SH3RF3: variants seen among roughly 807,000 people sequenced by gnomAD.
SH3RF3 encodes SH3 domain containing ring finger 3, also known as E3 ubiquitin-protein ligase SH3RF3.
In SH3RF3, 29 loss-of-function variants were observed where a neutral mutation model predicts 66.3. The observed-to-expected ratio is 0.44, with a 90% confidence interval of 0.33 to 0.60. The LOEUF is 0.60. SH3RF3 is among the 20% of genes least tolerant of loss of function. The pLI is 0.04. For missense variants in SH3RF3, 1,194 were observed against 1,190.9 expected (o/e 1.00, Z -0.04); for synonymous variants, 583 against 532.0 (o/e 1.10, Z -1.32).
chr2:109,452,788 CCTGGGAGGCTGGTGCTGGGAGGCTGGTT>C (rs1479494503), intron 8 of SH3RF3, among the ~76,000 whole-genome samples: 3 of 151,190 alleles, frequency 2.0e-5, no homozygotes, highest in Non-Finnish European at 3.0e-5. Context: ...GAGGCTGGTC[CCTGGGAGGCTGGTGCTGGGAGGCTGGTT>C]CTGGGAGGCT....
chr2:109,466,124 G>A lies in SH3RF3; in HGVS notation c.2148+16635G>A, dbSNP rs1459115178. 5.6e-5 allele frequency among the ~76,000 whole-genome samples: 7 copies of A among 125,118 alleles called. 1 individual carries two copies. Among genetic ancestry groups the A allele is most frequent in the Non-Finnish European group, 9.4e-5 (6 of 63,822 alleles). 82.1% of individuals were successfully genotyped at this position (125,118 alleles called of 152,430 possible). On this transcript the variant is annotated intron_variant, in intron 8 of 9. Coordinates refer to ENST00000309415, the MANE Select transcript of SH3RF3 (RefSeq NM_001099289.3). ...AGATGGAGTCTCGCTCCGTCGCCCA[G>A]GCTGGAGTGCAGCAGTGCTATCTCG... is the stretch of plus-strand genomic sequence containing the variant.
chr2:109,432,266 A>G (rs1269966147), intron 5 of SH3RF3, among the ~76,000 whole-genome samples: 1 of 152,158 alleles, frequency 6.6e-6, no homozygotes, highest in Admixed American at 6.5e-5. Context: ...TGTGGGTGAC[A>G]GGCACACCCC....
intron 1 of SH3RF3, among the ~76,000 whole-genome samples, chr2:109,207,636 T>C (rs1314539963): frequency 6.6e-6 from 1 of 152,144 alleles, no homozygotes; most frequent in Admixed American, 6.5e-5. Flanking sequence ...TTTCCAGGGG[T>C]GCAGTTGCTG....
At chr2:109,266,953 C>T (rs1426918619) in intron 1 of SH3RF3, among the ~76,000 whole-genome samples, 1 of 152,134 alleles carries the variant, frequency 6.6e-6, no homozygotes, top group Non-Finnish European at 1.5e-5. Context: ...TTTACAAATA[C>T]GTGTAAGTGG....
intron 4 of SH3RF3, among the ~76,000 whole-genome samples, chr2:109,411,153 A>T (rs953013632): frequency 1.3e-5 from 2 of 152,212 alleles, no homozygotes; most frequent in African/African-American, 4.8e-5. Context: ...CTGGTGTCAC[A>T]GTCAGCAACT....
At chr2:109,471,089 A>C (rs959728890) in intron 8 of SH3RF3, among the ~76,000 whole-genome samples, 4 of 151,232 alleles carry the variant, frequency 2.6e-5, no homozygotes, top group Non-Finnish European at 4.4e-5. Context: ...GTGTGTTGGC[A>C]GGTGCCTCTA....
intron 3 of SH3RF3, among the ~76,000 whole-genome samples, chr2:109,392,701 G>C (rs1009633120): frequency 6.6e-6 from 1 of 151,644 alleles, no homozygotes; most frequent in African/African-American, 2.4e-5. Flanking sequence ...TTTTTCAGTA[G>C]AGATGGGGTT....
rs566641227 is a variant in SH3RF3 at position 109,259,973 on chromosome 2, T to C, written c.574-87701T>C. ...GTTCTCAGACGCCCAGGGGTTTTCT[T>C]TGCTTAGGTTCTCTTTTCTTCTCCG... is the stretch of plus-strand genomic sequence containing the variant. On this transcript the variant is annotated intron_variant, in intron 1 of 9. Transcript: ENST00000309415. Among the ~76,000 whole-genome samples, 137 of 152,292 alleles carry C rather than the reference T, an allele frequency of 9.0e-4. 1 individual carries two copies. Among genetic ancestry groups the C allele is most frequent in the Middle Eastern group, 3.4e-3 (1 of 294 alleles).
chr2:109,148,718 G>A (rs1677155835), intron 1 of SH3RF3, among the ~76,000 whole-genome samples: 1 of 152,238 alleles, frequency 6.6e-6, no homozygotes, highest in Non-Finnish European at 1.5e-5. Flanking sequence ...AGAGCGTAAT[G>A]TGTAGTGAAT....
intron 1 of SH3RF3, among the ~76,000 whole-genome samples, chr2:109,196,474 C>G (rs1678501750): frequency 6.6e-6 from 1 of 152,204 alleles, no homozygotes; most frequent in South Asian, 2.1e-4. Context: ...AGGGAGGACA[C>G]AGGTGACTCC....
intron 2 of SH3RF3, among the ~76,000 whole-genome samples, chr2:109,348,516 G>A (rs1214232902): frequency 6.6e-6 from 1 of 152,238 alleles, no homozygotes; most frequent in Non-Finnish European, 1.5e-5. Flanking sequence ...GTGAAATTGA[G>A]TAGGAGGGTT....
intron 1 of SH3RF3, among the ~76,000 whole-genome samples, chr2:109,244,957 T>A (rs1229592855): frequency 1.3e-5 from 2 of 152,218 alleles, no homozygotes; most frequent in Non-Finnish European, 2.9e-5. Context: ...TGAGACTTGA[T>A]CAGGTGCCAG....
At chr2:109,340,905 A>G (rs151205191) in intron 1 of SH3RF3, among the ~76,000 whole-genome samples, 1 of 152,064 alleles carries the variant, frequency 6.6e-6, no homozygotes, top group Non-Finnish European at 1.5e-5. Context: ...TAAAAAAAGG[A>G]AGAAAAAAAA....
intron 1 of SH3RF3, among the ~76,000 whole-genome samples, chr2:109,345,878 G>C (rs1423704153): frequency 6.6e-6 from 1 of 152,170 alleles, no homozygotes; most frequent in Admixed American, 6.5e-5. Context: ...GTGTTTGGCA[G>C]TGTCCCTGGT....
intron 1 of SH3RF3, among the ~76,000 whole-genome samples, chr2:109,269,772 G>A (rs1339212790): frequency 6.6e-6 from 1 of 152,176 alleles, no homozygotes; most frequent in Non-Finnish European, 1.5e-5. Context: ...GAGCAGCCGG[G>A]AGGGGTGAGG....
intron 2 of SH3RF3, among the ~76,000 whole-genome samples, chr2:109,363,029 G>C (rs1683080443): frequency 6.6e-6 from 1 of 151,944 alleles, no homozygotes; most frequent in Non-Finnish European, 1.5e-5. Context: ...TTTTTAATTT[G>C]TATATTTACA....
In SH3RF3 at chr2:109,297,221, C is replaced by G. The variant is rs1681334556; in HGVS notation, c.574-50453C>G. ...CCCCAAGAAGACCCTGCGATTCATT[C>G]AGCTGTTTTTCATTGACACCATCAT... On this transcript the variant is annotated intron_variant, in intron 1 of 9. Transcript: ENST00000309415. 2.6e-5 allele frequency among the ~76,000 whole-genome samples: 4 copies of G among 152,040 alleles called. No individual in the cohort carries two copies. In the South Asian group the frequency reaches 8.3e-4, roughly 32 times the overall value.
intron 1 of SH3RF3, among the ~76,000 whole-genome samples, chr2:109,317,055 A>T (rs977477921): frequency 4.0e-5 from 6 of 151,888 alleles, no homozygotes; most frequent in Admixed American, 6.5e-5. Context: ...TCACCTCCTG[A>T]GGCTATCTTG....
intron 2 of SH3RF3, among the ~76,000 whole-genome samples, chr2:109,368,208 C>T (rs1198513251): frequency 6.6e-6 from 1 of 152,124 alleles, no homozygotes; most frequent in East Asian, 1.9e-4. Context: ...AAGCCTTTGT[C>T]TCTCATGTAT....
Sources: gnomAD v4.1 joint callset for allele counts (sites outside exome capture counted in the v4.1 genomes callset) on GRCh38, gnomAD v4.1.1 for gene constraint, MANE v1.5 for transcripts, NCBI Gene and HGNC (gene_info 2026-07-23, HGNC 2026-07-21) for gene names.